Variants in TRUB2 observed in about 807,000 individuals in gnomAD.
TRUB2 encodes TruB pseudouridine synthase family member 2, also known as pseudouridylate synthase TRUB2, mitochondrial.
A neutral mutation model predicts 31.9 loss-of-function variants in TRUB2; 31 were observed. The ratio of observed to expected loss-of-function variants is 0.97; its 90% CI spans 0.73 to 1.31. The LOEUF (loss-of-function observed/expected upper bound fraction) is 1.31. Among genes scored for constraint, TRUB2 ranks in the 50% most tolerant of loss-of-function variants. TRUB2 has a pLI of 0.00. For synonymous variants in TRUB2, 201 were observed against 182.6 expected, an observed-to-expected ratio of 1.10 and a Z score of -0.81; for missense variants, 451 against 439.6, an observed-to-expected ratio of 1.03 and a Z score of -0.23.
rs537013706 is a variant in TRUB2, at chr9:128,321,790, T to C, written c.110-60A>G. On this transcript the variant is annotated intron_variant, in intron 1 of 7. Transcript: ENST00000372890. ...TACAAATATATGTACATATAAAATA[T>C]TTTTTAAGAGACAGGGCCTCGTTCT... 1.3e-5 allele frequency: 19 copies of C among 1,517,184 alleles called. No homozygotes were observed. The African/African-American group carries it at 2.1e-4, about 17-fold the overall frequency. The allele number at this position is 1,517,184 out of a possible 1,614,324, so 94.0% of individuals were successfully genotyped here. A position where few individuals can be genotyped will look rare whatever the true frequency, so the allele number is the denominator to read the frequency against.
At chr9:128,313,764 AGCAAATG>A (rs1236218592) in intron 5 of TRUB2, 37 bp downstream of exon 5, 1 of 1,584,136 alleles carries the variant, frequency 6.3e-7, no homozygotes, top group African/African-American at 1.3e-5. Context: ...ACTCAGGGAA[AGCAAATG>A]CGGAGGGAGG....
intron 1 of TRUB2, among the ~76,000 whole-genome samples, chr9:128,321,971 TG>T (rs1243017237): frequency 2.0e-5 from 3 of 151,980 alleles, no homozygotes; most frequent in Non-Finnish European, 2.9e-5. Flanking sequence ...TCCAAACACT[TG>T]GGGGATTAGA....
At chr9:128,311,229 C>T in intron 6 of TRUB2, 1 of 665,164 alleles carries the variant, frequency 1.5e-6, no homozygotes, top group Non-Finnish European at 2.5e-6. Context: ...CTCTTAACTC[C>T]TTGGCTGCTC....
In TRUB2 at chr9:128,310,906, T is replaced by A; in HGVS notation, c.651A>T (p.Ala217=). The A allele has an allele frequency of 6.2e-7, 1 of 1,614,122 alleles. No homozygotes were observed. The highest frequency in any genetic ancestry group is 8.5e-7 in the Non-Finnish European group (1 of 1,179,998). ...ACCTACCTAAGAGGAATTCCGGAGG[T>A]GCAAAGTAGAGGCATCGGATGCCAG... ...LITGIRCLYF[A]PPEFLLEVQC... Residue 217 remains alanine (A), a synonymous_variant, in exon 7 of 8, where the codon GCA becomes GCT. Transcript: ENST00000372890.
At chr9:128,322,223 TG>T in intron 1 of TRUB2, 76 bp downstream of exon 1, 2 of 1,267,278 alleles carry the variant, frequency 1.6e-6, no homozygotes, top group Non-Finnish European at 2.3e-6. Context: ...GATTTTGTTT[TG>T]GGGTAAGGAC....
At chr9:128,319,144 G>A (rs56699862) in intron 2 of TRUB2, among the ~76,000 whole-genome samples, 1 of 151,952 alleles carries the variant, frequency 6.6e-6, no homozygotes, top group Non-Finnish European at 1.5e-5. Flanking sequence ...GCCTAACATG[G>A]TGAAACCCCG....
At chr9:128,311,411 C>T in intron 6 of TRUB2, 118 bp downstream of exon 6, 1 of 1,039,648 alleles carries the variant, frequency 9.6e-7, no homozygotes, top group Non-Finnish European at 1.5e-6. Context: ...CAGGTAGCTC[C>T]CGTCTGGTTC....
At chr9:128,311,149 C>A in intron 6 of TRUB2, 126 bp from the exon 7 acceptor site, 2 of 1,309,464 alleles carry the variant, frequency 1.5e-6, no homozygotes, top group Non-Finnish European at 1.1e-6. Flanking sequence ...AGCCACCTTT[C>A]CTGCCCTCCT....
At chr9:128,311,207 C>T in intron 6 of TRUB2, 184 bp from the exon 7 acceptor site, 1 of 776,744 alleles carries the variant, frequency 1.3e-6, no homozygotes, top group Non-Finnish European at 2.0e-6. Flanking sequence ...CAAGCTGGCT[C>T]CAGAGCCCAA....
chr9:128,309,871 C>T lies in TRUB2; in HGVS notation c.675G>A (p.Val225=), dbSNP rs1554794759. The T allele has an allele frequency of 2.5e-6, 4 of 1,612,818 alleles. No homozygotes were observed. The South Asian group carries it at 4.4e-5, about 18-fold the overall frequency. Residue 225 remains valine (V), a synonymous_variant, in exon 8 of 8, where the codon GTG becomes GTA. Coordinates refer to ENST00000372890, the MANE Select transcript of TRUB2 (RefSeq NM_015679.3). ...CTTTCTGCGTCTCATGCATGCACTG[C>T]ACCTCTGCCAGGGACACACAATGAC... The part of the protein sequence containing the change: ...YFAPPEFLLE[V]QCMHETQKEL...
chr9:128,320,809 A>G (rs149838955), intron 2 of TRUB2, among the ~76,000 whole-genome samples: 12,421 of 150,176 alleles, frequency 0.083, 730 homozygotes, highest in East Asian at 0.2. Flanking sequence ...TTTTTTTTTG[A>G]GACGGAGTCT....
chr9:128,311,127 C>T (rs1397771278), intron 6 of TRUB2, 104 bp from the exon 7 acceptor site: 28 of 1,488,682 alleles, frequency 1.9e-5, no homozygotes, highest in South Asian at 2.5e-5. Flanking sequence ...GCCCTGCCAC[C>T]GTGGCTCCTC....
At chr9:128,321,299 AT>A (rs1416387467) in intron 2 of TRUB2, among the ~76,000 whole-genome samples, 1 of 152,260 alleles carries the variant, frequency 6.6e-6, no homozygotes, top group Non-Finnish European at 1.5e-5. Context: ...TGAAGTTCAA[AT>A]ATGAATATTC....
chr9:128,310,821 C>T (rs1159973554), intron 7 of TRUB2, 66 bp downstream of exon 7: 3 of 1,595,812 alleles, frequency 1.9e-6, no homozygotes, highest in Non-Finnish European at 2.6e-6. Context: ...TCTGCAAGAG[C>T]GTTCCTGAGT....
At chr9:128,319,969 G>A (rs1264786071) in intron 2 of TRUB2, among the ~76,000 whole-genome samples, 1 of 151,362 alleles carries the variant, frequency 6.6e-6, no homozygotes, top group Non-Finnish European at 1.5e-5. Context: ...AGGCTGGAGT[G>A]CAGTGGCACG....
rs377007574 is a variant in TRUB2, at chr9:128,311,594, C to G, written c.468G>C (p.Val156=). 4 of 1,613,884 alleles carry G rather than the reference C, an allele frequency of 2.5e-6. No homozygotes were observed. In the African/African-American group the frequency reaches 5.3e-5, roughly 22 times the overall value. ...RLVEKTTYDH[V]TREKLDRILA... ...GAATGCGGTCCAGCTTCTCTCTGGT[C>G]ACGTGGTCTGGAAAAGGCAGGGGGT... Residue 156 remains valine, a synonymous_variant, in exon 6 of 8, where the codon GTG becomes GTC. Transcript: ENST00000372890.
chr9:128,314,080 G>C (rs1442506868), intron 4 of TRUB2, among the ~76,000 whole-genome samples, 191 bp from the exon 5 acceptor site: 2 of 152,154 alleles, frequency 1.3e-5, no homozygotes, highest in Non-Finnish European at 2.9e-5. Context: ...AGCAGCTCTT[G>C]CTCTCTTTGT....
chr9:128,312,986 T>C (rs1285336007), intron 5 of TRUB2, among the ~76,000 whole-genome samples: 2 of 145,862 alleles, frequency 1.4e-5, no homozygotes, highest in Non-Finnish European at 3.0e-5. Context: ...GAGGCCGAGG[T>C]GGGCAGAATA....
intron 2 of TRUB2, among the ~76,000 whole-genome samples, chr9:128,320,117 C>A (rs1832138296): frequency 6.6e-6 from 1 of 151,480 alleles, no homozygotes; most frequent in South Asian, 2.1e-4. Flanking sequence ...AGGGTATCAC[C>A]GTATTAGCCA....
Sources: allele counts gnomAD v4.1 joint callset (sites outside exome capture counted in the v4.1 genomes callset), GRCh38; gene constraint gnomAD v4.1.1; transcripts MANE v1.5; gene names NCBI Gene and HGNC (gene_info 2026-07-23, HGNC 2026-07-21).